The following NCKAP1 variants were observed in gnomAD, a reference collection of about 807,000 sequenced individuals.
The protein encoded by NCKAP1 is nck-associated protein 1.
In NCKAP1, 21 loss-of-function variants were observed where a neutral mutation model predicts 151.2. That is an observed-to-expected ratio of 0.14 (90% CI 0.10 to 0.20). The LOEUF (loss-of-function observed/expected upper bound fraction) is 0.20, where lower values mean the gene tolerates loss of function less well. Among genes scored for constraint, NCKAP1 ranks in the 10% least tolerant of loss-of-function variants. The pLI is 1.00. For missense variants in NCKAP1, 933 were observed against 1,352.1 expected, an observed-to-expected ratio of 0.69 and a Z score of 4.86; for synonymous variants, 484 against 451.8, an observed-to-expected ratio of 1.07 and a Z score of -0.90.
chr2:183,028,964 A>AAC (rs1326702089), intron 1 of NCKAP1, among the ~76,000 whole-genome samples: 4 of 151,034 alleles, frequency 2.6e-5, no homozygotes, highest in African/African-American at 4.9e-5. Flanking sequence ...ATACAAAAAA[A>AAC]AAAAAATAGC....
At chr2:183,023,533 ATATC>A (rs1698834275) in intron 2 of NCKAP1, among the ~76,000 whole-genome samples, 1 of 152,178 alleles carries the variant, frequency 6.6e-6, no homozygotes, top group African/African-American at 2.4e-5. Context: ...GAATATATAC[ATATC>A]TATTACCTTA....
In NCKAP1 at chr2:182,981,583, A is replaced by G. The variant is rs117380819; in HGVS notation, c.1209-207T>C. Among the ~76,000 whole-genome samples, 38 of 152,236 alleles carry G rather than the reference A, an allele frequency of 2.5e-4. No individual in the cohort carries two copies. The East Asian group carries it at 7.1e-3, about 29-fold the overall frequency. ...AAAAAAGAAGAAAGAAAAAAAGTTAAAGCTAAAAATCGACAGCAGAAAATC... is the reference window on the plus strand; with the variant it reads ...AAAAAAGAAGAAAGAAAAAAAGTTAGAGCTAAAAATCGACAGCAGAAAATC... On this transcript the variant is annotated intron_variant, in intron 12 of 30. Coordinates refer to ENST00000361354, the MANE Select transcript of NCKAP1 (RefSeq NM_013436.5).
At position 182,989,713 on chromosome 2, in the gene NCKAP1, AT is replaced by A. The variant is rs553338245; in HGVS notation, c.791-528del. ...GGTGACAGACCCTGTCTCAAAAAAA[AT>A]TTTTTTTTAATGGCCAGGTGCTCAT... is the stretch of plus-strand genomic sequence containing the variant. On this transcript the variant is annotated intron_variant, in intron 8 of 30. Coordinates refer to ENST00000361354, the MANE Select transcript of NCKAP1 (RefSeq NM_013436.5). 6.6e-5 allele frequency among the ~76,000 whole-genome samples: 10 copies of A among 151,026 alleles called. No homozygotes were observed. In the South Asian group the frequency reaches 1.9e-3, roughly 28 times the overall value.
At chr2:183,024,040 T>G in intron 1 of NCKAP1, 124 bp from the exon 2 acceptor site, 1 of 701,370 alleles carries the variant, frequency 1.4e-6, no homozygotes, top group Non-Finnish European at 2.4e-6. Flanking sequence ...ATAAAATGAA[T>G]AGGCAAAGTG....
chr2:182,966,921 C>A (rs1697583411), intron 16 of NCKAP1, among the ~76,000 whole-genome samples: 1 of 152,076 alleles, frequency 6.6e-6, no homozygotes, highest in African/African-American at 2.4e-5. Context: ...TCTAATCATG[C>A]AAAGAAGGGC....
rs2105791730 is a variant in NCKAP1, at chr2:182,921,896, CCA to C, written c.*3804_*3805del. ...ATAAATATTAAATTTCCTTCCAATT[CCA>C]CAGGACCAATTAACGAAAAACATAA... On this transcript the variant is annotated 3_prime_UTR_variant, in exon 31 of 31. Coordinates refer to ENST00000361354, the MANE Select transcript of NCKAP1 (RefSeq NM_013436.5). 6.6e-6 allele frequency: 1 copy of C among 152,252 alleles called. No individual in the cohort carries two copies. The highest frequency in any genetic ancestry group is 2.1e-4 in the South Asian group (1 of 4,826). 9.4% of individuals were successfully genotyped at this position (152,252 alleles called of 1,614,324 possible).
At chr2:182,994,514 C>T (rs1463439799) in intron 8 of NCKAP1, among the ~76,000 whole-genome samples, 1 of 152,034 alleles carries the variant, frequency 6.6e-6, no homozygotes, top group Non-Finnish European at 1.5e-5. Flanking sequence ...TAGCGTGTGC[C>T]TGTTGTCCCG....
At chr2:182,972,243 A>C (rs1018211556) in intron 15 of NCKAP1, among the ~76,000 whole-genome samples, 1 of 151,104 alleles carries the variant, frequency 6.6e-6, no homozygotes, top group Non-Finnish European at 1.5e-5. Context: ...AAAAAAAAAA[A>C]AACAAAACTG....
chr2:182,968,054 G>A (rs559297473), intron 15 of NCKAP1, among the ~76,000 whole-genome samples: 38 of 152,288 alleles, frequency 2.5e-4, no homozygotes, highest in African/African-American at 8.7e-4. Flanking sequence ...TAGAGTTTGA[G>A]TGCAAAGAAG....
chr2:182,934,892 C>T (rs1394913781), intron 25 of NCKAP1, 60 bp from the exon 26 acceptor site: 2 of 727,068 alleles, frequency 2.8e-6, no homozygotes, highest in African/African-American at 3.6e-5. Flanking sequence ...CCTAAATTTA[C>T]AAAATATTAC....
chr2:183,001,017 C>T (rs1243022129), intron 6 of NCKAP1, among the ~76,000 whole-genome samples: 1 of 152,164 alleles, frequency 6.6e-6, no homozygotes, highest in East Asian at 1.9e-4. Flanking sequence ...ATCACGAGCC[C>T]GGGAGGCGGA....
rs1014714814 is a variant in NCKAP1 at position 182,983,355 on chromosome 2, C to T, written c.1032G>A (p.Lys344=). 3.7e-6 allele frequency: 6 copies of T among 1,613,262 alleles called. 1 individual carries two copies. The highest frequency in any genetic ancestry group is 2.2e-5 in the East Asian group (1 of 44,830). The part of the protein sequence containing the change: ...HAGSMHRERR[K]FLRSALKELA... ...ATTCCTTCAGTGCAGATCTTAAAAA[C>T]TTGCGTCTTTCTCTGTGCATTGAAC... The change falls in exon 11 of 31, where the codon AAG becomes AAA. Residue 344 remains lysine, a synonymous_variant. Transcript: ENST00000361354.
chr2:182,982,933 T>TA lies in NCKAP1; in HGVS notation c.1102-7dup. On this transcript the variant is annotated splice_region_variant and splice_polypyrimidine_tract_variant and intron_variant, in intron 11 of 30. Transcript: ENST00000361354. The stretch of plus-strand genomic sequence containing the variant: ...GCCATAAAAACAAAAAGTGCCTGTT[T>TA]AAAAAAAAGTAAGTGTTTATTCTTA... 7.0e-6 allele frequency: 11 copies of TA among 1,570,078 alleles called. No individual in the cohort carries two copies. The highest frequency in any genetic ancestry group is 3.5e-5 in the South Asian group (3 of 84,926).
chr2:183,018,990 G>A (rs1378832078), intron 2 of NCKAP1, among the ~76,000 whole-genome samples: 9 of 152,060 alleles, frequency 5.9e-5, no homozygotes, highest in Admixed American at 5.9e-4. Flanking sequence ...ATAATTCTAT[G>A]TTCCTTGGGA....
At chr2:182,957,683 G>A (rs1697354093) in intron 18 of NCKAP1, 87 bp from the exon 19 acceptor site, 6 of 1,358,296 alleles carry the variant, frequency 4.4e-6, no homozygotes, top group Non-Finnish European at 6.0e-6. Context: ...GCTGAATCCA[G>A]GCTGTGTTGC....
At position 182,950,453 on chromosome 2, in the gene NCKAP1, T is replaced by A. The variant is rs1697190844; in HGVS notation, c.2601+1952A>T. 2.0e-5 allele frequency among the ~76,000 whole-genome samples: 3 copies of A among 152,150 alleles called. No individual in the cohort carries two copies. The South Asian group carries it at 6.2e-4, about 32-fold the overall frequency. ...AAAAAATTGGAGATGAGAAATTTCT[T>A]ATTTGAGAACAGTAGGATAGAAAAA... On this transcript the variant is annotated intron_variant, in intron 23 of 30. Transcript: ENST00000361354.
chr2:182,950,111 G>C (rs1037585060), intron 23 of NCKAP1, among the ~76,000 whole-genome samples: 1 of 152,126 alleles, frequency 6.6e-6, no homozygotes, highest in Non-Finnish European at 1.5e-5. Flanking sequence ...CTTAGTGAAG[G>C]GTAGTTTGAA....
chr2:182,959,649 C>T (rs933546724), intron 18 of NCKAP1, among the ~76,000 whole-genome samples: 12 of 152,146 alleles, frequency 7.9e-5, no homozygotes, highest in African/African-American at 2.9e-4. Context: ...TGGGCAAAAA[C>T]TGGAAGCACT....
At chr2:183,022,555 A>G (rs1350918645) in intron 2 of NCKAP1, among the ~76,000 whole-genome samples, 6 of 152,164 alleles carry the variant, frequency 3.9e-5, no homozygotes, top group Non-Finnish European at 8.8e-5. Flanking sequence ...AAGAGGTCGA[A>G]GCAGAAGGAT....
Sources: gnomAD v4.1 joint callset for allele counts (sites outside exome capture counted in the v4.1 genomes callset) on GRCh38, gnomAD v4.1.1 for gene constraint, MANE v1.5 for transcripts, NCBI Gene and HGNC (gene_info 2026-07-23, HGNC 2026-07-21) for gene names.